C12orf76: variants seen among roughly 807,000 people sequenced by gnomAD.
The protein encoded by C12orf76 is chromosome 12 open reading frame 76, also known as uncharacterized protein C12orf76.
C12orf76 carries 6 observed loss-of-function variants against 6.8 expected under a neutral mutation model. That is an observed-to-expected ratio of 0.88 (90% CI 0.48 to 1.73). C12orf76 has a LOEUF of 1.73. Among genes scored for constraint, C12orf76 ranks in the 40% most tolerant of loss-of-function variants. The pLI, the probability that C12orf76 is intolerant of heterozygous loss-of-function variation, is 0.01. For synonymous variants in C12orf76, 56 were observed against 43.7 expected (o/e 1.28, Z -1.11); for missense variants, 99 against 98.2 (o/e 1.01, Z -0.03).
intron 1 of C12orf76, among the ~76,000 whole-genome samples, chr12:110,066,338 C>T (rs1417962121): frequency 7.6e-6 from 1 of 131,410 alleles, no homozygotes; most frequent in African/African-American, 2.9e-5. Context: ...CACTGCACTC[C>T]AGCCTAGGTG....
In C12orf76 at chr12:110,048,373, C is replaced by A. The variant is rs752216564; in HGVS notation, c.123G>T (p.Gly41=). 6 of 1,513,308 alleles carry A rather than the reference C, an allele frequency of 4.0e-6. No individual in the cohort carries two copies. The highest frequency in any genetic ancestry group is 2.8e-5 in the African/African-American group (2 of 71,182). The allele number at this position is 1,513,308 out of a possible 1,614,324, so 93.7% of individuals were successfully genotyped here. A position where few individuals can be genotyped will look rare whatever the true frequency, so the allele number is the denominator to read the frequency against. The change falls in exon 1 of 2, where the codon GGG becomes GGT. Residue 41 remains glycine, a synonymous_variant. Coordinates refer to ENST00000615315, the MANE Select transcript of C12orf76 (RefSeq NM_001389625.1). ...CCGAGGGCCGCTCACCCAGGTTCTG[C>A]CCTCGCAGCACCGCGTACGGCCGGC... is the stretch of plus-strand genomic sequence containing the variant. ...ERSRPYAVLR[G]QNLVLMGTIF...
At chr12:110,056,930 T>C in intron 4 of C12orf76, 1 of 405,878 alleles carries the variant, frequency 2.5e-6, no homozygotes, top group East Asian at 4.3e-5. Flanking sequence ...CTTTGTAAAT[T>C]ACCTAGTCTC....
At chr12:110,057,275 G>T (rs760520874) in exon 4 of C12orf76, 7 of 1,613,658 alleles carry the variant, frequency 4.3e-6, no homozygotes, top group Non-Finnish European at 5.1e-6. Flanking sequence ...TTTCAGCAAA[G>T]TTCCTCTCCC....
At chr12:110,057,426 G>T in intron 3 of C12orf76, 1 of 659,448 alleles carries the variant, frequency 1.5e-6, no homozygotes, top group Non-Finnish European at 2.8e-6. Flanking sequence ...CAGTGGCGCC[G>T]GGCACTGTGC....
chr12:110,048,223 G>A lies in C12orf76; in HGVS notation c.133+140C>T, dbSNP rs1892499378. ...TGGAGAGGGAGTCTCGGGGCCCCCT[G>A]AGGGGCCTCACCTGCACCCCCCGCA... On this transcript the variant is annotated intron_variant, in intron 1 of 1. Coordinates refer to ENST00000615315, the MANE Select transcript of C12orf76 (RefSeq NM_001389625.1). 3 of 1,097,704 alleles carry A rather than the reference G, an allele frequency of 2.7e-6. No homozygotes were observed. In the East Asian group the frequency reaches 9.7e-5, roughly 35 times the overall value. The allele number at this position is 1,097,704 out of a possible 1,614,324, so 68.0% of individuals were successfully genotyped here. A position where few individuals can be genotyped will look rare whatever the true frequency, so the allele number is the denominator to read the frequency against.
At chr12:110,047,969 T>C (rs1892493051) in intron 1 of C12orf76, among the ~76,000 whole-genome samples, 1 of 152,102 alleles carries the variant, frequency 6.6e-6, no homozygotes, top group South Asian at 2.1e-4. Context: ...CAGTACATAT[T>C]GAGAGCTTAC....
At chr12:110,046,889 C>T (rs1892463443) in intron 1 of C12orf76, among the ~76,000 whole-genome samples, 1 of 152,094 alleles carries the variant, frequency 6.6e-6, no homozygotes, top group Non-Finnish European at 1.5e-5. Context: ...AAACTTCTTA[C>T]AGTGTTTATC....
chr12:110,067,562 T>C (rs983853788), exon 1 of C12orf76: 14 of 985,532 alleles, frequency 1.4e-5, no homozygotes, highest in Non-Finnish European at 1.7e-5. Flanking sequence ...CTGGATGTGG[T>C]TCAGTAGGGC....
chr12:110,048,611 G>A, upstream of C12orf76: 3 of 1,315,594 alleles, frequency 2.3e-6, no homozygotes, highest in Non-Finnish European at 2.9e-6. Context: ...CATTGCCATG[G>A]TAACTGTGCG....
upstream of C12orf76, among the ~76,000 whole-genome samples, chr12:110,069,852 G>T (rs1892939440): frequency 6.6e-6 from 1 of 152,126 alleles, no homozygotes; most frequent in Non-Finnish European, 1.5e-5. Context: ...GAATTTGAGG[G>T]AGTTAAATAC....
upstream of C12orf76, among the ~76,000 whole-genome samples, chr12:110,068,199 C>T (rs1892898174): frequency 6.8e-6 from 1 of 146,670 alleles, no homozygotes; most frequent in Non-Finnish European, 1.5e-5. Context: ...AGGGAAACTC[C>T]GTCTCAAAAA....
intron 1 of C12orf76, among the ~76,000 whole-genome samples, chr12:110,048,094 G>T (rs766171207): frequency 6.6e-6 from 1 of 152,192 alleles, no homozygotes; most frequent in Non-Finnish European, 1.5e-5. Flanking sequence ...CCAGCTACTC[G>T]GCAGGCTGAG....
rs141402798 is a variant in C12orf76 at position 110,046,413 on chromosome 12, C to T, written c.133+1950G>A. ...TGCACTCCAGCCTTGGCAACAAGAGCAAAACTCCATCTCAAAAAAATAAAT... is the reference window on the plus strand; with the variant it reads ...TGCACTCCAGCCTTGGCAACAAGAGTAAAACTCCATCTCAAAAAAATAAAT... On this transcript the variant is annotated intron_variant, in intron 1 of 1. Coordinates refer to ENST00000615315, the MANE Select transcript of C12orf76 (RefSeq NM_001389625.1). Among the ~76,000 whole-genome samples, 1,037 of 152,230 alleles carry T rather than the reference C, an allele frequency of 6.8e-3. 1 individual carries two copies. Among genetic ancestry groups the T allele is most frequent in the Non-Finnish European group, 9.4e-3 (640 of 68,020 alleles).
chr12:110,057,426 G>A (rs1390707816), intron 3 of C12orf76: 38 of 659,328 alleles, frequency 5.8e-5, no homozygotes, highest in South Asian at 3.6e-4. Context: ...CAGTGGCGCC[G>A]GGCACTGTGC....
chr12:110,057,625 T>A (rs1892691838), intron 3 of C12orf76, among the ~76,000 whole-genome samples: 1 of 152,044 alleles, frequency 6.6e-6, no homozygotes, highest in Non-Finnish European at 1.5e-5. Context: ...GCAAGTTAAA[T>A]CCCAATTATA....
chr12:110,048,584 G>C (rs1004126965), upstream of C12orf76: 10 of 1,324,890 alleles, frequency 7.5e-6, no homozygotes, highest in African/African-American at 1.5e-4. Flanking sequence ...CGCTGCCACC[G>C]CCCTTAGGGC....
At chr12:110,065,995 C>T in exon 2 of C12orf76, 4 of 1,609,672 alleles carry the variant, frequency 2.5e-6, no homozygotes, top group South Asian at 2.2e-5. Context: ...ACTGGGTCAT[C>T]TCTGACCTTC....
intron 1 of C12orf76, chr12:110,073,278 TC>T: frequency 2.3e-6 from 1 of 426,454 alleles, no homozygotes; most frequent in Admixed American, 2.6e-5. Context: ...TGCTGCTTCC[TC>T]CCTCCCGCCC....
intron 4 of C12orf76, chr12:110,057,087 T>C (rs1892682011): frequency 1.3e-6 from 1 of 750,508 alleles, no homozygotes; most frequent in African/African-American, 1.7e-5. Flanking sequence ...TCAGGCTGCT[T>C]GTGCTGGACT....
Sources: gnomAD v4.1 joint callset for allele counts (sites outside exome capture counted in the v4.1 genomes callset) on GRCh38, gnomAD v4.1.1 for gene constraint, MANE v1.5 for transcripts, NCBI Gene and HGNC (gene_info 2026-07-23, HGNC 2026-07-21) for gene names.